Variants in OXSR1 observed in about 807,000 individuals in gnomAD.
OXSR1 encodes serine/threonine-protein kinase OSR1.
A neutral mutation model predicts 79.8 loss-of-function variants in OXSR1; 24 were observed. The ratio of observed to expected loss-of-function variants is 0.30; its 90% CI spans 0.22 to 0.42. OXSR1 has a LOEUF of 0.42. Ranked by LOEUF, OXSR1 falls within the 10% of genes least tolerant of loss-of-function variation. The pLI is 1.00. For missense variants in OXSR1, 430 were observed against 618.4 expected, an observed-to-expected ratio of 0.70 and a Z score of 3.23; for synonymous variants, 226 against 209.2, an observed-to-expected ratio of 1.08 and a Z score of -0.69.
At chr3:38,225,660 T>C (rs1702675301) in intron 8 of OXSR1, among the ~76,000 whole-genome samples, 1 of 152,170 alleles carries the variant, frequency 6.6e-6, no homozygotes, top group African/African-American at 2.4e-5. Flanking sequence ...AAAATTATCC[T>C]GTTACAAATA....
intron 3 of OXSR1, among the ~76,000 whole-genome samples, chr3:38,191,882 C>A (rs1212473600): frequency 6.6e-6 from 1 of 152,138 alleles, no homozygotes; most frequent in Non-Finnish European, 1.5e-5. Flanking sequence ...TTTCTTACGG[C>A]ATCATTTCTT....
intron 1 of OXSR1, 121 bp from the exon 2 acceptor site, chr3:38,182,882 A>G (rs1575314714): frequency 2.0e-6 from 1 of 493,058 alleles, no homozygotes; most frequent in Non-Finnish European, 3.5e-6. Flanking sequence ...ATTTTTCTCT[A>G]TCTGTTATGC....
At chr3:38,210,748 G>A (rs1364460913) in intron 4 of OXSR1, among the ~76,000 whole-genome samples, 3 of 152,186 alleles carry the variant, frequency 2.0e-5, no homozygotes, top group Non-Finnish European at 4.4e-5. Flanking sequence ...GGAGGCAGGT[G>A]TTTGCCCTGT....
intron 8 of OXSR1, 134 bp downstream of exon 8, chr3:38,224,838 AT>A (rs1702659042): frequency 5.1e-6 from 3 of 586,262 alleles, no homozygotes; most frequent in Middle Eastern, 4.8e-4. Flanking sequence ...TACAGAGACC[AT>A]TATACTGGAT....
At chr3:38,252,724 T>C in intron 17 of OXSR1, 93 bp from the exon 18 acceptor site, 1 of 980,130 alleles carries the variant, frequency 1.0e-6, no homozygotes, top group Non-Finnish European at 1.6e-6. Context: ...TGTTGCCCAC[T>C]GCCTACCTTC....
chr3:38,192,169 C>G (rs1033106023), intron 3 of OXSR1, among the ~76,000 whole-genome samples: 4 of 152,160 alleles, frequency 2.6e-5, no homozygotes, highest in Non-Finnish European at 5.9e-5. Flanking sequence ...GTCTTTCCAT[C>G]AGTTATACTC....
chr3:38,210,935 T>C (rs1702374080), intron 4 of OXSR1, among the ~76,000 whole-genome samples: 1 of 152,216 alleles, frequency 6.6e-6, no homozygotes, highest in Admixed American at 6.5e-5. Context: ...GATGTCCTGT[T>C]TATTAACAAG....
chr3:38,210,102 G>C (rs1214029676), intron 4 of OXSR1, among the ~76,000 whole-genome samples: 1 of 151,288 alleles, frequency 6.6e-6, no homozygotes, highest in Admixed American at 6.6e-5. Context: ...CACTCTGCTT[G>C]ATTGCATGGT....
chr3:38,221,470 A>G (rs1299643197), intron 5 of OXSR1, 108 bp from the exon 6 acceptor site: 4 of 616,166 alleles, frequency 6.5e-6, no homozygotes, highest in African/African-American at 1.9e-5. Flanking sequence ...ATAAGAAACT[A>G]TCATGCTTTT....
chr3:38,232,395 C>G (rs1702828494), intron 10 of OXSR1, among the ~76,000 whole-genome samples: 1 of 152,042 alleles, frequency 6.6e-6, no homozygotes, highest in Non-Finnish European at 1.5e-5. Context: ...GTACTTCAGC[C>G]TGGGTGAATA....
chr3:38,178,131 A>G (rs1282509804), intron 1 of OXSR1, among the ~76,000 whole-genome samples: 1 of 150,210 alleles, frequency 6.7e-6, no homozygotes, highest in African/African-American at 2.5e-5. Flanking sequence ...GTATTGTTTT[A>G]ATAGAGACAG....
At chr3:38,174,575 C>G (rs1197012278) in intron 1 of OXSR1, among the ~76,000 whole-genome samples, 1 of 152,042 alleles carries the variant, frequency 6.6e-6, no homozygotes, top group Non-Finnish European at 1.5e-5. Flanking sequence ...GAATGAGACA[C>G]TGTCTCAAAA....
At chr3:38,168,448 CAT>C (rs1268762874) in intron 1 of OXSR1, among the ~76,000 whole-genome samples, 19 of 152,106 alleles carry the variant, frequency 1.2e-4, no homozygotes, top group Non-Finnish European at 2.2e-4. Flanking sequence ...GATCATATAA[CAT>C]GTGGTCTTTC....
At chr3:38,183,285 A>G (rs1010689991) in intron 2 of OXSR1, among the ~76,000 whole-genome samples, 170 bp downstream of exon 2, 2 of 152,238 alleles carry the variant, frequency 1.3e-5, no homozygotes, top group African/African-American at 2.4e-5. Flanking sequence ...GTAGAAAAAA[A>G]TTAGTTATAA....
intron 4 of OXSR1, among the ~76,000 whole-genome samples, chr3:38,211,811 T>G (rs537790887): frequency 1.6e-4 from 24 of 152,312 alleles, no homozygotes; most frequent in African/African-American, 5.8e-4. Context: ...CCTTGAGAAT[T>G]TTTTCCTTAC....
intron 3 of OXSR1, among the ~76,000 whole-genome samples, chr3:38,197,451 T>C (rs918764195): frequency 6.6e-6 from 1 of 152,232 alleles, no homozygotes; most frequent in Non-Finnish European, 1.5e-5. Context: ...TGTGTGTAGT[T>C]CTGAGACTTT....
chr3:38,242,969 T>A (rs1408421295), intron 12 of OXSR1, among the ~76,000 whole-genome samples, 191 bp downstream of exon 12: 2 of 152,046 alleles, frequency 1.3e-5, no homozygotes, highest in African/African-American at 4.8e-5. Context: ...AATTTTTTAT[T>A]TTTATTTTTG....
chr3:38,228,595 C>A (rs1464732153), intron 8 of OXSR1, among the ~76,000 whole-genome samples: 1 of 152,148 alleles, frequency 6.6e-6, no homozygotes, highest in Non-Finnish European at 1.5e-5. Context: ...GTTTTTGAGA[C>A]AGTCTTGCTT....
At chr3:38,237,503 T>A (rs563320883) in intron 11 of OXSR1, among the ~76,000 whole-genome samples, 1 of 152,186 alleles carries the variant, frequency 6.6e-6, no homozygotes, top group Non-Finnish European at 1.5e-5. Flanking sequence ...TGGAAGTGTT[T>A]ATAAGGAAAT....
Sources: allele counts gnomAD v4.1 joint callset (sites outside exome capture counted in the v4.1 genomes callset), GRCh38; gene constraint gnomAD v4.1.1; transcripts MANE v1.5; gene names NCBI Gene and HGNC (gene_info 2026-07-23, HGNC 2026-07-21).